Variants in NFAM1 observed in about 807,000 individuals in gnomAD.
NFAM1 encodes the protein NFAT activating protein with ITAM motif 1, also known as NFAT activation molecule 1.
A neutral mutation model predicts 29.0 loss-of-function variants in NFAM1; 17 were observed. The observed-to-expected ratio is 0.59, with a 90% CI of 0.40 to 0.88. NFAM1 has a LOEUF of 0.88. NFAM1 is among the 40% of genes least tolerant of loss of function. The pLI, the probability that NFAM1 is intolerant of heterozygous loss-of-function variation, is 0.00. For missense variants in NFAM1, 324 were observed against 344.6 expected, an observed-to-expected ratio of 0.94 and a Z score of 0.47; for synonymous variants, 175 against 147.2, an observed-to-expected ratio of 1.19 and a Z score of -1.36.
intron 3 of NFAM1, among the ~76,000 whole-genome samples, chr22:42,401,259 C>T (rs1419746458): frequency 6.6e-6 from 1 of 152,136 alleles, no homozygotes; most frequent in African/African-American, 2.4e-5. Context: ...GCGAACAGCT[C>T]GGGGGCAGGA....
chr22:42,397,810 G>T, intron 4 of NFAM1, 48 bp downstream of exon 4: 1 of 1,030,044 alleles, frequency 9.7e-7, no homozygotes, highest in Non-Finnish European at 1.5e-6. Flanking sequence ...GACAGACTCT[G>T]CCTAAGGCCT....
upstream of NFAM1, among the ~76,000 whole-genome samples, chr22:42,434,809 C>T (rs543975764): frequency 5.9e-5 from 9 of 152,336 alleles, no homozygotes; most frequent in Non-Finnish European, 1.2e-4. Flanking sequence ...CGAGCTAGGC[C>T]TTGGCAGCTG....
intron 3 of NFAM1, among the ~76,000 whole-genome samples, chr22:42,399,176 C>T (rs1030562570): frequency 6.6e-6 from 1 of 152,106 alleles, no homozygotes; most frequent in Non-Finnish European, 1.5e-5. Flanking sequence ...CACGGTGGCT[C>T]ATGCCTGTAA....
chr22:42,398,870 G>A (rs1312133471), intron 3 of NFAM1, among the ~76,000 whole-genome samples: 2 of 152,210 alleles, frequency 1.3e-5, no homozygotes, highest in East Asian at 1.9e-4. Flanking sequence ...GCCAGGCAGT[G>A]TGAGGAGGTG....
intron 5 of NFAM1, 21 bp downstream of exon 5, chr22:42,386,968 G>A (rs1362973380): frequency 1.5e-6 from 2 of 1,365,960 alleles, no homozygotes; most frequent in Admixed American, 2.3e-5. Context: ...AGCCAGGCTT[G>A]GTGCCCCAGC....
At chr22:42,434,532 C>T (rs1272986710), upstream of NFAM1, among the ~76,000 whole-genome samples, 1 of 152,204 alleles carries the variant, frequency 6.6e-6, no homozygotes, top group African/African-American at 2.4e-5. Flanking sequence ...CGCACCTTGG[C>T]AAGGAGCCCA....
At position 42,381,245 on chromosome 22, in the gene NFAM1, A is replaced by G. The variant is rs1928936971; in HGVS notation, c.*3916T>C. 1 of 152,932 alleles carries G rather than the reference A, an allele frequency of 6.5e-6. No homozygotes were observed. The highest frequency in any genetic ancestry group is 1.5e-5 in the Non-Finnish European group (1 of 68,104). 9.5% of individuals were successfully genotyped at this position (152,932 alleles called of 1,614,324 possible). On this transcript the variant is annotated 3_prime_UTR_variant, in exon 6 of 6. Coordinates refer to ENST00000329021, the MANE Select transcript of NFAM1 (RefSeq NM_145912.8). ...AGGAGGGCTTCAGCAGGCTCGCAGA[A>G]CCGAGTGGCAAGGCCCCTGCTCCCA...
chr22:42,423,056 T>C (rs567124559), intron 1 of NFAM1, among the ~76,000 whole-genome samples: 51 of 134,074 alleles, frequency 3.8e-4, no homozygotes, highest in African/African-American at 1.4e-3. Context: ...GAGATTGCAG[T>C]GAGCCAAGAT....
intron 4 of NFAM1, among the ~76,000 whole-genome samples, chr22:42,397,164 G>A (rs544535948): frequency 1.3e-5 from 2 of 152,266 alleles, no homozygotes; most frequent in South Asian, 2.1e-4. Context: ...AGCCCTCCCC[G>A]GCCCCAGCCG....
intron 1 of NFAM1, among the ~76,000 whole-genome samples, chr22:42,412,351 C>G (rs1930124623): frequency 6.6e-6 from 1 of 152,226 alleles, no homozygotes. Context: ...ATTACGCACA[C>G]CACTCTACCT....
In NFAM1 at chr22:42,419,354, G is replaced by C. The variant is rs1006830253; in HGVS notation, c.122-7618C>G. Among the ~76,000 whole-genome samples the C allele has an allele frequency of 6.6e-6, 1 of 152,064 alleles. No individual in the cohort carries two copies. Among genetic ancestry groups the C allele is most frequent in the Non-Finnish European group, 1.5e-5 (1 of 68,036 alleles). On this transcript the variant is annotated intron_variant, in intron 1 of 5. Coordinates refer to ENST00000329021, the MANE Select transcript of NFAM1 (RefSeq NM_145912.8). This position sits in a 1 kb window ranked among gnomAD's most constrained non-coding sequence, Gnocchi z 4.5. ...CCGGCAGGGGCTCCCTGCTGGAGGA[G>C]ACCCAGGAAGGAGTCTGAAATCAAT...
chr22:42,393,389 T>G (rs1015306665), intron 4 of NFAM1, among the ~76,000 whole-genome samples: 1 of 150,536 alleles, frequency 6.6e-6, no homozygotes, highest in Non-Finnish European at 1.5e-5. Flanking sequence ...ATGAAAAAAA[T>G]TATTTATTTA....
At chr22:42,423,646 G>C (rs534124746) in intron 1 of NFAM1, among the ~76,000 whole-genome samples, 80 of 152,100 alleles carry the variant, frequency 5.3e-4, no homozygotes, top group Non-Finnish European at 8.8e-4. Flanking sequence ...TTGAGTCCAG[G>C]AGTTTGAGGC....
intron 1 of NFAM1, among the ~76,000 whole-genome samples, chr22:42,415,480 T>C (rs1930231017): frequency 6.6e-6 from 1 of 152,042 alleles, no homozygotes; most frequent in Non-Finnish European, 1.5e-5. Flanking sequence ...TTTGTATTTT[T>C]AGTAGAGACG....
Position 42,388,770 on chromosome 22 carries a change from G to A in NFAM1, c.664-1692C>T, listed in dbSNP as rs1396793543. ...GCATCAGACATGGGGATGGTGGGGC[G>A]GCCCTGAGGACGAGTTCAAGGGGTC... On this transcript the variant is annotated intron_variant, in intron 4 of 5. Transcript: ENST00000329021. This position sits in a 1 kb window ranked among gnomAD's most constrained non-coding sequence, Gnocchi z 4.1. Among the ~76,000 whole-genome samples, 3 of 152,220 alleles carry A rather than the reference G, an allele frequency of 2.0e-5. No homozygotes were observed. Among genetic ancestry groups the A allele is most frequent in the South Asian group, 2.1e-4 (1 of 4,834 alleles).
In NFAM1 at chr22:42,382,478, G is replaced by C. The variant is rs1299142097; in HGVS notation, c.*2683C>G. 1.3e-5 allele frequency: 2 copies of C among 152,014 alleles called. No homozygotes were observed. Among genetic ancestry groups the C allele is most frequent in the Non-Finnish European group, 2.9e-5 (2 of 68,004 alleles). 9.4% of individuals were successfully genotyped at this position (152,014 alleles called of 1,614,324 possible). A position where few individuals can be genotyped will look rare whatever the true frequency, so the allele number is the denominator to read the frequency against. On this transcript the variant is annotated 3_prime_UTR_variant, in exon 6 of 6. Coordinates refer to ENST00000329021, the MANE Select transcript of NFAM1 (RefSeq NM_145912.8). ...GGCCCTGAGGCCACCCAGCCTGGGT[G>C]GGTCTCAAAAGCAATTTTCTTCTCT...
rs1569231531 is a variant in NFAM1, at chr22:42,409,921, A to ACG, written c.452-375_452-374insCG. Reference sequence around the variant, plus strand: ...ATGTGGCTAGGGCTGAAGGAGGCGGATTTATCCTGGGACTGACAGGGGGCT... The same window carrying ACG: ...ATGTGGCTAGGGCTGAAGGAGGCGGACGTTTATCCTGGGACTGACAGGGGGCT... On this transcript the variant is annotated intron_variant, in intron 2 of 5. Coordinates refer to ENST00000329021, the MANE Select transcript of NFAM1 (RefSeq NM_145912.8). This position sits in a 1 kb window ranked among gnomAD's most constrained non-coding sequence, Gnocchi z 4.9. Among the ~76,000 whole-genome samples the ACG allele has an allele frequency of 1.3e-5, 2 of 151,868 alleles. No individual in the cohort carries two copies. Among genetic ancestry groups the ACG allele is most frequent in the African/African-American group, 4.8e-5 (2 of 41,368 alleles).
intron 4 of NFAM1, among the ~76,000 whole-genome samples, chr22:42,394,987 A>G (rs1299284283): frequency 1.3e-5 from 2 of 152,058 alleles, no homozygotes; most frequent in East Asian, 3.9e-4. Context: ...CAGCCTGGGC[A>G]ATATAGTGAG....
chr22:42,396,655 C>T (rs1332296851), intron 4 of NFAM1, among the ~76,000 whole-genome samples: 2 of 152,130 alleles, frequency 1.3e-5, no homozygotes, highest in Non-Finnish European at 2.9e-5. Flanking sequence ...AAGTCTCCGG[C>T]CACGTGCAAA....
Sources: allele counts gnomAD v4.1 joint callset (sites outside exome capture counted in the v4.1 genomes callset), GRCh38; gene constraint gnomAD v4.1.1; non-coding constraint Gnocchi (gnomAD v3.1); transcripts MANE v1.5; gene names NCBI Gene and HGNC (gene_info 2026-07-23, HGNC 2026-07-21).